Variants in PCSK4 observed in about 807,000 individuals in gnomAD.
The protein encoded by PCSK4 is testicular tissue protein Li 135.
In PCSK4, 64 loss-of-function variants were observed where a neutral mutation model predicts 80.3. The ratio of observed to expected loss-of-function variants is 0.80; its 90% CI spans 0.65 to 0.98. The LOEUF (loss-of-function observed/expected upper bound fraction) is 0.98, where lower values mean the gene tolerates loss of function less well. PCSK4 is among the 50% of genes least tolerant of loss of function. The pLI is 0.00. For synonymous variants in PCSK4, 561 were observed against 487.6 expected (o/e 1.15, Z -1.98); for missense variants, 1,213 against 1,093.6 (o/e 1.11, Z -1.54).
At chr19:1,483,593 C>T in intron 11 of PCSK4, 57 bp downstream of exon 11, 1 of 1,469,870 alleles carries the variant, frequency 6.8e-7, no homozygotes, top group Non-Finnish European at 9.2e-7. Flanking sequence ...ACTGAGGCCT[C>T]AGGCCTGTCC....
chr19:1,487,887 G>GA (rs2084720990), intron 4 of PCSK4, 26 bp from the exon 5 acceptor site: 2 of 1,558,136 alleles, frequency 1.3e-6, no homozygotes, highest in Non-Finnish European at 1.7e-6. Flanking sequence ...GATATGAGGG[G>GA]GCCGGGAGGC....
chr19:1,489,666 G>A (rs990694486), intron 2 of PCSK4, 127 bp downstream of exon 2: 14 of 1,455,664 alleles, frequency 9.6e-6, no homozygotes, highest in Admixed American at 2.4e-5. Flanking sequence ...CTTGGGGCCC[G>A]GGCGGGTCTG....
upstream of PCSK4, chr19:1,490,637 C>G: frequency 2.5e-6 from 1 of 397,720 alleles, no homozygotes; most frequent in South Asian, 6.8e-5. Flanking sequence ...GATAACGCGT[C>G]CTACCCTTTG....
upstream of PCSK4, chr19:1,490,417 T>TCCGACCCGCCCCCGGCGC (rs2084890429): frequency 3.2e-6 from 2 of 616,232 alleles, no homozygotes; most frequent in Non-Finnish European, 2.7e-6. Flanking sequence ...GGCCCAGGCG[T>TCCGACCCGCCCCCGGCGC]CCGACCCGCC....
At chr19:1,487,522 A>T in intron 6 of PCSK4, 81 bp downstream of exon 6, 2 of 1,275,828 alleles carry the variant, frequency 1.6e-6, no homozygotes, top group Admixed American at 4.0e-5. Flanking sequence ...TGGGCTCCCG[A>T]GTCCTTGGGC....
At chr19:1,481,548 C>G (rs1316796194) in exon 15 of PCSK4, 11 of 445,956 alleles carry the variant, frequency 2.5e-5, no homozygotes, top group African/African-American at 4.0e-5. Context: ...GCCTCTCCCC[C>G]CAGCCCACTC....
chr19:1,484,162 T>G (rs1172091355), intron 8 of PCSK4, 35 bp from the exon 9 acceptor site: 3 of 1,211,720 alleles, frequency 2.5e-6, no homozygotes, highest in Non-Finnish European at 3.5e-6. Flanking sequence ...CGGGGGGCCG[T>G]GCACAGTGAG....
rs751691084 is a variant in PCSK4 at position 1,482,483 on chromosome 19, G to A, written c.1697-8C>T. 6.3e-7 allele frequency: 1 copy of A among 1,597,962 alleles called. No homozygotes were observed. The highest frequency in any genetic ancestry group is 1.7e-5 in the Admixed American group (1 of 59,678). On this transcript the variant is annotated splice_polypyrimidine_tract_variant and splice_region_variant and intron_variant, in intron 13 of 14. Transcript: ENST00000300954. Reference sequence around the variant, plus strand: ...TGTAGCGGTACAACGTCCCTGGACAGGGGTCGCGGGTGGGCACAGGAGGAA... The same window carrying A: ...TGTAGCGGTACAACGTCCCTGGACAAGGGTCGCGGGTGGGCACAGGAGGAA...
At chr19:1,486,967 G>C (rs779897240) in exon 8 of PCSK4, 2 of 1,609,272 alleles carry the variant, frequency 1.2e-6, no homozygotes. Flanking sequence ...CGGAAAGCGT[G>C]TGGATGCTGT....
chr19:1,490,287 G>C, exon 1 of PCSK4: 2 of 1,585,378 alleles, frequency 1.3e-6, no homozygotes, highest in Non-Finnish European at 1.7e-6. Context: ...CAGCCCGGGG[G>C]CGGACAAGGG....
exon 10 of PCSK4, chr19:1,483,919 T>G (rs1052563879): frequency 2.7e-6 from 4 of 1,480,940 alleles, no homozygotes; most frequent in Non-Finnish European, 2.7e-6. Flanking sequence ...AGGTGCTGCA[T>G]GTCTCTCCAC....
In PCSK4 at chr19:1,487,710, G is replaced by T. The variant is rs1241968109; in HGVS notation, c.594-19C>A. 5 of 1,551,970 alleles carry T rather than the reference G, an allele frequency of 3.2e-6. No individual in the cohort carries two copies. The highest frequency in any genetic ancestry group is 4.4e-6 in the Non-Finnish European group (5 of 1,147,432). On this transcript the variant is annotated intron_variant, in intron 5 of 14. Transcript: ENST00000300954. Reference sequence around the variant, plus strand: ...CCCGTGCCTGGTGCCAGGGCCAAGAGGGGCTCCTGTCACGGCCTCCATCCC... The same window carrying T: ...CCCGTGCCTGGTGCCAGGGCCAAGATGGGCTCCTGTCACGGCCTCCATCCC...
chr19:1,482,330 G>C, intron 14 of PCSK4, 23 bp downstream of exon 14: 1 of 1,536,190 alleles, frequency 6.5e-7, no homozygotes, highest in South Asian at 1.2e-5. Context: ...CCCAGCAGTG[G>C]GCCCTGCCCC....
At chr19:1,487,614 G>T in exon 6 of PCSK4, 1 of 1,551,584 alleles carries the variant, frequency 6.4e-7, no homozygotes. Context: ...TCCGATTCGG[G>T]CGTTGAAAGC....
chr19:1,483,658 G>T, exon 11 of PCSK4: 1 of 1,590,040 alleles, frequency 6.3e-7, no homozygotes. Context: ...ACGTGGGGCG[G>T]CTCTGGACCC....
At chr19:1,490,479 T>C (rs1188632887), upstream of PCSK4, 2 of 528,344 alleles carry the variant, frequency 3.8e-6, no homozygotes, top group African/African-American at 2.0e-5. Context: ...GCCTTGCGGC[T>C]ACTCAGCCAG....
chr19:1,485,976 G>A (rs1006548431), intron 8 of PCSK4, among the ~76,000 whole-genome samples: 9 of 152,084 alleles, frequency 5.9e-5, no homozygotes, highest in African/African-American at 2.2e-4. Context: ...GTTTTGTTTT[G>A]TTTTGTTTTG....
At chr19:1,488,483 G>A (rs985913706) in intron 2 of PCSK4, among the ~76,000 whole-genome samples, 32 of 152,032 alleles carry the variant, frequency 2.1e-4, no homozygotes, top group African/African-American at 7.3e-4. Context: ...CAGACGCGTC[G>A]TTGCTGCCGC....
chr19:1,483,811 CCCCGCCCCCG>C lies in PCSK4; in HGVS notation c.1273+17_1273+26del, dbSNP rs1361098151. ...GTCACTCGCCCCGTGGGCCCCGGGTCCCCGCCCCCGCCCGGCCCCGCCGCACCTTGGCGCC... is the reference window on the plus strand; with the variant it reads ...GTCACTCGCCCCGTGGGCCCCGGGTCCCCGGCCCCGCCGCACCTTGGCGCC... On this transcript the variant is annotated intron_variant, in intron 10 of 14. Transcript: ENST00000300954. 4.0e-6 allele frequency: 6 copies of C among 1,489,506 alleles called. No homozygotes were observed. In the East Asian group the frequency reaches 7.9e-5, roughly 20 times the overall value. 92.3% of individuals were successfully genotyped at this position (1,489,506 alleles called of 1,614,324 possible). A position where few individuals can be genotyped will look rare whatever the true frequency, so the allele number is the denominator to read the frequency against.
Sources: allele counts gnomAD v4.1 joint callset (sites outside exome capture counted in the v4.1 genomes callset), GRCh38; gene constraint gnomAD v4.1.1; transcripts MANE v1.5; gene names NCBI Gene and HGNC (gene_info 2026-07-23, HGNC 2026-07-21).